The following SSBP2 variants were observed in gnomAD, a reference collection of about 807,000 sequenced individuals.
SSBP2 encodes the protein single stranded DNA binding protein 2, also known as single-stranded DNA-binding protein 2.
A neutral mutation model predicts 61.8 loss-of-function variants in SSBP2; 17 were observed. The observed-to-expected ratio is 0.28, with a 90% CI of 0.19 to 0.41. The LOEUF (loss-of-function observed/expected upper bound fraction) is 0.41. Among genes scored for constraint, SSBP2 ranks in the 10% least tolerant of loss-of-function variants. The pLI, the probability that SSBP2 is intolerant of heterozygous loss-of-function variation, is 1.00. For synonymous variants in SSBP2, 139 were observed against 141.3 expected (o/e 0.98, Z 0.12); for missense variants, 310 against 458.7 (o/e 0.68, Z 2.96).
chr5:81,660,250 A>C (rs1189224510), intron 1 of SSBP2, among the ~76,000 whole-genome samples: 1 of 152,184 alleles, frequency 6.6e-6, no homozygotes, highest in African/African-American at 2.4e-5. Flanking sequence ...GAATGGGAGA[A>C]AATTTTTGCA....
At chr5:81,601,733 G>T (rs1744383816) in intron 4 of SSBP2, among the ~76,000 whole-genome samples, 2 of 152,048 alleles carry the variant, frequency 1.3e-5, no homozygotes, top group South Asian at 4.1e-4. Context: ...AATCACCAAA[G>T]CATCTTCCTA....
Position 81,573,080 on chromosome 5 carries a change from A to G in SSBP2, c.282+42393T>C, listed in dbSNP as rs1473755187. The stretch of plus-strand genomic sequence containing the variant: ...TTTTTTCAAATGACATTAAATGTTT[A>G]TATCATGGATACTTAAATTGTTTGG... On this transcript the variant is annotated intron_variant, in intron 4 of 16. Transcript: ENST00000320672. Among the ~76,000 whole-genome samples the G allele has an allele frequency of 2.6e-5, 4 of 152,376 alleles. No homozygotes were observed. In the Middle Eastern group the frequency reaches 0.01, roughly 389 times the overall value.
chr5:81,433,341 G>A (rs1442779718), intron 15 of SSBP2, among the ~76,000 whole-genome samples: 36 of 152,074 alleles, frequency 2.4e-4, no homozygotes, highest in Non-Finnish European at 5.9e-5. Flanking sequence ...CATGTGCGGT[G>A]TCCACTCAGG....
intron 4 of SSBP2, among the ~76,000 whole-genome samples, chr5:81,590,212 T>C (rs1251593677): frequency 6.6e-6 from 1 of 152,050 alleles, no homozygotes; most frequent in Non-Finnish European, 1.5e-5. Flanking sequence ...AAAAAAATTA[T>C]AAGGAAGAAA....
chr5:81,647,860 G>A (rs1749400000), intron 2 of SSBP2, among the ~76,000 whole-genome samples: 1 of 152,086 alleles, frequency 6.6e-6, no homozygotes, highest in African/African-American at 2.4e-5. Flanking sequence ...AAGCCTAGGA[G>A]TCTAGTATCT....
At chr5:81,515,080 A>G (rs1167375864) in intron 4 of SSBP2, among the ~76,000 whole-genome samples, 2 of 152,088 alleles carry the variant, frequency 1.3e-5, no homozygotes, top group Admixed American at 1.3e-4. Flanking sequence ...AGCTTTATAT[A>G]GCAACATTCA....
At chr5:81,472,491 A>C (rs2154021841) in intron 8 of SSBP2, among the ~76,000 whole-genome samples, 1 of 152,318 alleles carries the variant, frequency 6.6e-6, no homozygotes, top group Admixed American at 6.5e-5. Flanking sequence ...CCATTCTATA[A>C]TGAAATATGA....
intron 1 of SSBP2, among the ~76,000 whole-genome samples, chr5:81,703,904 T>C (rs1754177785): frequency 6.6e-6 from 1 of 152,138 alleles, no homozygotes; most frequent in East Asian, 1.9e-4. Flanking sequence ...TTATAGTAAA[T>C]AGAATGAGGC....
chr5:81,526,198 G>T (rs1407557589), intron 4 of SSBP2, among the ~76,000 whole-genome samples: 1 of 151,930 alleles, frequency 6.6e-6, no homozygotes, highest in African/African-American at 2.4e-5. Flanking sequence ...CTCATAAGAA[G>T]AAACTTAAAG....
chr5:81,484,517 A>G (rs1434547660), intron 6 of SSBP2, among the ~76,000 whole-genome samples: 1 of 152,130 alleles, frequency 6.6e-6, no homozygotes, highest in Non-Finnish European at 1.5e-5. Flanking sequence ...AAAATACTAT[A>G]TTTTAATCTT....
At chr5:81,483,377 C>A (rs1245929366) in intron 6 of SSBP2, among the ~76,000 whole-genome samples, 1 of 152,110 alleles carries the variant, frequency 6.6e-6, no homozygotes, top group Non-Finnish European at 1.5e-5. Context: ...ATATAGTTCA[C>A]TCATGGAGAC....
intron 10 of SSBP2, among the ~76,000 whole-genome samples, chr5:81,453,317 CA>C (rs375352571): frequency 6.7e-6 from 1 of 148,880 alleles, no homozygotes; most frequent in East Asian, 2.0e-4. Flanking sequence ...CCCACCCCAC[CA>C]AAAAAAAGAG....
intron 4 of SSBP2, among the ~76,000 whole-genome samples, chr5:81,604,624 AAAG>A (rs1460893362): frequency 1.3e-5 from 2 of 152,164 alleles, no homozygotes; most frequent in Non-Finnish European, 2.9e-5. Flanking sequence ...GAAAAAAAGA[AAAG>A]AAGATAGGTA....
intron 4 of SSBP2, among the ~76,000 whole-genome samples, chr5:81,608,423 C>A (rs1745092630): frequency 6.6e-6 from 1 of 152,078 alleles, no homozygotes; most frequent in Non-Finnish European, 1.5e-5. Context: ...TCATCATGCC[C>A]TCAGATTCAC....
rs564928512 is a variant in SSBP2 at position 81,520,227 on chromosome 5, C to G, written c.283-6510G>C. On this transcript the variant is annotated intron_variant, in intron 4 of 16. Coordinates refer to ENST00000320672, the MANE Select transcript of SSBP2 (RefSeq NM_012446.5). ...CTCAAACTCCTGACCTCAAGTGATC[C>G]ACCCACCTTAGCCTCCCAAAGTGCT... is the stretch of plus-strand genomic sequence containing the variant. Among the ~76,000 whole-genome samples, 13 of 152,224 alleles carry G rather than the reference C, an allele frequency of 8.5e-5. No homozygotes were observed. The South Asian group carries it at 2.7e-3, about 32-fold the overall frequency.
intron 5 of SSBP2, among the ~76,000 whole-genome samples, chr5:81,490,842 G>C (rs953444875): frequency 6.6e-6 from 1 of 152,162 alleles, no homozygotes; most frequent in Non-Finnish European, 1.5e-5. Flanking sequence ...CATTTTATAT[G>C]GACAGAAACA....
chr5:81,650,477 G>A (rs1749633531), intron 1 of SSBP2, 138 bp from the exon 2 acceptor site: 2 of 468,996 alleles, frequency 4.3e-6, no homozygotes, highest in Non-Finnish European at 7.5e-6. Flanking sequence ...TATTTCAATA[G>A]GAATTATTAA....
At chr5:81,529,111 G>A (rs1770189595) in intron 4 of SSBP2, among the ~76,000 whole-genome samples, 1 of 151,912 alleles carries the variant, frequency 6.6e-6, no homozygotes, top group African/African-American at 2.4e-5. Context: ...CTATTTCTAA[G>A]TTTTTGGTAG....
chr5:81,540,100 C>A (rs1156284123), intron 4 of SSBP2, among the ~76,000 whole-genome samples: 1 of 152,110 alleles, frequency 6.6e-6, no homozygotes, highest in East Asian at 1.9e-4. Flanking sequence ...GCATAGTATT[C>A]CATGGTGTAT....
Sources: gnomAD v4.1 joint callset for allele counts (sites outside exome capture counted in the v4.1 genomes callset) on GRCh38, gnomAD v4.1.1 for gene constraint, MANE v1.5 for transcripts, NCBI Gene and HGNC (gene_info 2026-07-23, HGNC 2026-07-21) for gene names.